ADAMTS17: variants seen among roughly 807,000 people sequenced by gnomAD.
The protein encoded by ADAMTS17 is ADAM metallopeptidase with thrombospondin type 1 motif 17, also known as A disintegrin and metalloproteinase with thrombospondin motifs 17.
ADAMTS17 carries 113 observed loss-of-function variants against 141.5 expected under a neutral mutation model. The ratio of observed to expected loss-of-function variants is 0.80; its 90% CI spans 0.69 to 0.93. The LOEUF (loss-of-function observed/expected upper bound fraction) is 0.93. Among genes scored for constraint, ADAMTS17 ranks in the 40% least tolerant of loss-of-function variants. ADAMTS17 has a pLI of 0.00. For synonymous variants in ADAMTS17, 768 were observed against 630.6 expected (o/e 1.22, Z -3.27); for missense variants, 1,659 against 1,517.9 (o/e 1.09, Z -1.54).
chr15:100,064,199 C>T (rs2033349878), intron 15 of ADAMTS17, among the ~76,000 whole-genome samples: 1 of 152,102 alleles, frequency 6.6e-6, no homozygotes, highest in Admixed American at 6.5e-5. Flanking sequence ...GATGCTTCTA[C>T]AAAGCAGCCA....
chr15:100,158,377 A>G (rs1256703766), intron 8 of ADAMTS17, among the ~76,000 whole-genome samples: 2 of 152,222 alleles, frequency 1.3e-5, no homozygotes, highest in Non-Finnish European at 2.9e-5. Context: ...GGCACCAAAA[A>G]AATTCTTTTT....
rs1168705387 is a variant in ADAMTS17 at position 99,971,599 on chromosome 15, G to C, written c.*2803C>G. ...GTAAAACAAAAATTCCATGGGTACA[G>C]TATGTAATGCAAGTTAACGAATGGA... On this transcript the variant is annotated 3_prime_UTR_variant, in exon 22 of 22. Transcript: ENST00000268070. 1 of 152,144 alleles carries C rather than the reference G, an allele frequency of 6.6e-6. No individual in the cohort carries two copies. The highest frequency in any genetic ancestry group is 2.4e-5 in the African/African-American group (1 of 41,436). The allele number at this position is 152,144 out of a possible 1,614,324, so 9.4% of individuals were successfully genotyped here.
At chr15:100,337,753 C>T (rs1386658121) in intron 2 of ADAMTS17, among the ~76,000 whole-genome samples, 1 of 152,178 alleles carries the variant, frequency 6.6e-6, no homozygotes, top group South Asian at 2.1e-4. Context: ...TCCTCTCGTT[C>T]ACTCTTCCTA....
Position 100,133,197 on chromosome 15 carries a change from G to GGGAA in ADAMTS17, c.1575+13_1575+16dup, listed in dbSNP as rs768625843. ...TGTGGAGCTGCCTGTTGGGGGCAGTGGGAAGTCAGAGGTTACCTTGTCTGC... is the reference window on the plus strand; with the variant it reads ...TGTGGAGCTGCCTGTTGGGGGCAGTGGGAAGGAAGTCAGAGGTTACCTTGTCTGC... On this transcript the variant is annotated intron_variant, in intron 11 of 21. Coordinates refer to ENST00000268070, the MANE Select transcript of ADAMTS17 (RefSeq NM_139057.4). 1.3e-6 allele frequency: 2 copies of GGGAA among 1,570,954 alleles called. No individual in the cohort carries two copies. Among genetic ancestry groups the GGGAA allele is most frequent in the African/African-American group, 2.7e-5 (2 of 74,202 alleles).
At chr15:100,184,946 G>A (rs2040655498) in intron 8 of ADAMTS17, among the ~76,000 whole-genome samples, 1 of 152,176 alleles carries the variant, frequency 6.6e-6, no homozygotes, top group African/African-American at 2.4e-5. Context: ...ATTACATCAG[G>A]CTGATGTCTA....
chr15:100,203,080 C>T (rs1425450864), intron 7 of ADAMTS17, among the ~76,000 whole-genome samples: 6 of 152,196 alleles, frequency 3.9e-5, no homozygotes, highest in Admixed American at 3.9e-4. Flanking sequence ...CTCTAATGGG[C>T]TTGACTGCTC....
intron 8 of ADAMTS17, among the ~76,000 whole-genome samples, chr15:100,196,706 G>A (rs8031976): frequency 0.18 from 27,906 of 152,116 alleles, 2,691 homozygotes; most frequent in East Asian, 0.24. Context: ...TTCCGGTTTC[G>A]TGTCTGTGAA....
chr15:100,163,871 A>T (rs2039840807), intron 8 of ADAMTS17, among the ~76,000 whole-genome samples: 1 of 152,200 alleles, frequency 6.6e-6, no homozygotes, highest in South Asian at 2.1e-4. Flanking sequence ...ACTTTGTCTG[A>T]GCATTTCACT....
intron 12 of ADAMTS17, chr15:100,129,718 G>A (rs1348653289): frequency 2.0e-5 from 3 of 151,980 alleles, no homozygotes; most frequent in Non-Finnish European, 2.9e-5. Context: ...ACTACAGCCT[G>A]GGCAACAAGA....
intron 3 of ADAMTS17, among the ~76,000 whole-genome samples, chr15:100,307,208 C>T (rs749436201): frequency 3.3e-5 from 5 of 152,048 alleles, no homozygotes; most frequent in Non-Finnish European, 5.9e-5. Flanking sequence ...GTGATGACCA[C>T]GTTATAGGAC....
intron 13 of ADAMTS17, among the ~76,000 whole-genome samples, chr15:100,113,115 G>C (rs546342407): frequency 1.3e-5 from 2 of 152,050 alleles, no homozygotes; most frequent in African/African-American, 2.4e-5. Context: ...ATCAGTCCCC[G>C]GCGGACAGGC....
intron 3 of ADAMTS17, 95 bp from the exon 4 acceptor site, chr15:100,281,496 T>C: frequency 6.7e-7 from 1 of 1,494,326 alleles, no homozygotes; most frequent in Non-Finnish European, 9.0e-7. Flanking sequence ...CCCGAGAGAG[T>C]GGTCAGTCTC....
rs75143725 is a variant in ADAMTS17 at position 99,972,983 on chromosome 15, C to A, written c.*1419G>T. 10 of 152,246 alleles carry A rather than the reference C, an allele frequency of 6.6e-5. No individual in the cohort carries two copies. The highest frequency in any genetic ancestry group is 2.2e-4 in the African/African-American group (9 of 41,534). 9.4% of individuals were successfully genotyped at this position (152,246 alleles called of 1,614,324 possible). Reference sequence around the variant, plus strand: ...GAAATCAGGGAGGAGGTGTTATTTACGGTAAAGTCCTAGAACATAAGCACC... The same window carrying A: ...GAAATCAGGGAGGAGGTGTTATTTAAGGTAAAGTCCTAGAACATAAGCACC... On this transcript the variant is annotated 3_prime_UTR_variant, in exon 22 of 22. Transcript: ENST00000268070.
chr15:100,218,660 G>T (rs747905848), intron 7 of ADAMTS17, among the ~76,000 whole-genome samples: 1 of 152,136 alleles, frequency 6.6e-6, no homozygotes, highest in African/African-American at 2.4e-5. Context: ...TAGGAAAAGC[G>T]TTTGGCAGTG....
intron 18 of ADAMTS17, among the ~76,000 whole-genome samples, chr15:100,028,242 CCTT>C (rs2029864641): frequency 6.6e-6 from 1 of 152,190 alleles, no homozygotes; most frequent in South Asian, 2.1e-4. Flanking sequence ...ACTCATGCAG[CCTT>C]CTTTTCAAAA....
chr15:100,115,460 CAAT>C (rs954332285), intron 13 of ADAMTS17, among the ~76,000 whole-genome samples: 9 of 152,202 alleles, frequency 5.9e-5, no homozygotes, highest in African/African-American at 2.2e-4. Flanking sequence ...TAAAAAAGGA[CAAT>C]GATGGGGCTC....
chr15:100,239,316 C>G (rs759061756), intron 7 of ADAMTS17, among the ~76,000 whole-genome samples: 17 of 152,234 alleles, frequency 1.1e-4, no homozygotes, highest in Non-Finnish European at 1.8e-4. Flanking sequence ...TAGCTGTTCT[C>G]AGTCTCACTT....
intron 15 of ADAMTS17, chr15:100,074,080 T>C (rs928190707): frequency 6.5e-6 from 1 of 152,956 alleles, no homozygotes; most frequent in Non-Finnish European, 1.5e-5. Context: ...GAACTGTTTA[T>C]GGTATAAACA....
intron 14 of ADAMTS17, 130 bp from the exon 15 acceptor site, chr15:100,096,606 G>T (rs979462968): frequency 1.7e-6 from 2 of 1,160,954 alleles, no homozygotes; most frequent in African/African-American, 1.5e-5. Flanking sequence ...CCATTCAGAG[G>T]CCCAAGAAAA....
Sources: allele counts gnomAD v4.1 joint callset (sites outside exome capture counted in the v4.1 genomes callset), GRCh38; gene constraint gnomAD v4.1.1; transcripts MANE v1.5; gene names NCBI Gene and HGNC (gene_info 2026-07-23, HGNC 2026-07-21).